Variants in ITPR1 observed in about 807,000 individuals in gnomAD.
ITPR1 encodes inositol 1,4,5-trisphosphate-gated calcium channel ITPR1.
Under a neutral mutation model 318.4 loss-of-function variants are expected in ITPR1, and 96 were observed. The ratio of observed to expected loss-of-function variants is 0.30; its 90% CI spans 0.26 to 0.36. ITPR1 has a LOEUF of 0.36. Ranked by LOEUF, ITPR1 falls within the 10% of genes least tolerant of loss-of-function variation. ITPR1 has a pLI of 1.00. For synonymous variants in ITPR1, 1,312 were observed against 1,289.9 expected, an observed-to-expected ratio of 1.02 and a Z score of -0.37; for missense variants, 2,440 against 3,460.2, an observed-to-expected ratio of 0.71 and a Z score of 7.40.
At chr3:4,604,036 T>C (rs1273202251) in intron 4 of ITPR1, among the ~76,000 whole-genome samples, 1 of 152,188 alleles carries the variant, frequency 6.6e-6, no homozygotes, top group Non-Finnish European at 1.5e-5. Context: ...TGATGTGAGA[T>C]GGAGATGGTA....
intron 4 of ITPR1, among the ~76,000 whole-genome samples, chr3:4,592,111 T>A (rs953292718): frequency 2.6e-5 from 4 of 152,176 alleles, no homozygotes; most frequent in Admixed American, 2.0e-4. Context: ...AACGTCTTTG[T>A]AATAACAAAA....
chr3:4,529,571 A>C (rs776770234), intron 4 of ITPR1, among the ~76,000 whole-genome samples: 12 of 152,160 alleles, frequency 7.9e-5, no homozygotes, highest in Non-Finnish European at 1.5e-4. Context: ...CATGTGAGAA[A>C]ATTAGAGGGA....
chr3:4,793,337 C>A (rs7634198), intron 52 of ITPR1, among the ~76,000 whole-genome samples: 30 of 152,296 alleles, frequency 2.0e-4, no homozygotes, highest in African/African-American at 7.0e-4. Flanking sequence ...CAGACCATCA[C>A]TGAGCTTTGC....
In ITPR1 at chr3:4,768,781, G is replaced by A; in HGVS notation, c.5979+17G>A. 6.2e-7 allele frequency: 1 copy of A among 1,601,600 alleles called. No individual in the cohort carries two copies. Among genetic ancestry groups the A allele is most frequent in the Non-Finnish European group, 8.5e-7 (1 of 1,170,708 alleles). ...GACCTGCAGGTGAGGGCCTGGGGGTGGGGGCGTGGAGGGAGCTCGGGAAAG... is the reference window on the plus strand; with the variant it reads ...GACCTGCAGGTGAGGGCCTGGGGGTAGGGGCGTGGAGGGAGCTCGGGAAAG... On this transcript the variant is annotated intron_variant, in intron 46 of 61. Coordinates refer to ENST00000649015, the MANE Select transcript of ITPR1 (RefSeq NM_001378452.1).
chr3:4,495,873 A>G (rs576116772), intron 2 of ITPR1, among the ~76,000 whole-genome samples: 45 of 152,220 alleles, frequency 3.0e-4, no homozygotes, highest in Non-Finnish European at 5.6e-4. Context: ...GCTAGGAAAA[A>G]TGGTAAACTT....
rs2085215890 is a variant in ITPR1, at chr3:4,548,229, T to C, written c.163+27135T>C. Among the ~76,000 whole-genome samples the C allele has an allele frequency of 1.3e-5, 2 of 152,246 alleles. 1 individual carries two copies. Among genetic ancestry groups the C allele is most frequent in the South Asian group, 4.1e-4 (2 of 4,836 alleles). On this transcript the variant is annotated intron_variant, in intron 4 of 61. Transcript: ENST00000649015. ...TGGATTTGGTTAATTGATTGTGTAC[T>C]ATGTCTCAGTCAGCATTCATCTTCA...
At chr3:4,678,894 G>C (rs1208509790) in intron 24 of ITPR1, among the ~76,000 whole-genome samples, 6 of 152,234 alleles carry the variant, frequency 3.9e-5, no homozygotes, top group South Asian at 2.1e-4. Context: ...TGGAAAGGAG[G>C]ACCAAGCCAC....
In ITPR1 at chr3:4,670,801, C is replaced by T. The variant is rs774308386; in HGVS notation, c.2079C>T (p.Asp693=). The change falls in exon 20 of 62, where the codon GAC becomes GAT. Residue 693 remains aspartate (D), a synonymous_variant. Coordinates refer to ENST00000649015, the MANE Select transcript of ITPR1 (RefSeq NM_001378452.1). ...AGAATGCTCTGGAGGCAGGAGAAGA[C>T]GAGGAAGAGGTGTGGCTGTTTTGGA... ...TGENALEAGE[D]EEEVWLFWRD... is the part of the protein sequence containing the mutation. 25 of 1,608,678 alleles carry T rather than the reference C, an allele frequency of 1.6e-5. No individual in the cohort carries two copies. Among genetic ancestry groups the T allele is most frequent in the South Asian group, 8.9e-5 (8 of 89,890 alleles).
At position 4,735,275 on chromosome 3, in the gene ITPR1, A is replaced by G; in HGVS notation, c.5465A>G (p.Asn1822Ser). Residue 1822 changes from asparagine to serine, a missense_variant, in exon 44 of 62, where the codon AAC becomes AGC. By Grantham distance (46) the Asn-to-Ser change is conservative (BLOSUM62 1). Coordinates refer to ENST00000649015, the MANE Select transcript of ITPR1 (RefSeq NM_001378452.1). ...AATCTAGTTATCGACCTCATCATGA[A>G]CGCATCCAGTGACCGAGTGTTCCAT... Reference protein sequence around the residue: ...ASNLVIDLIMNASSDRVFHES... With the variant: ...ASNLVIDLIMSASSDRVFHES... 6.2e-7 allele frequency: 1 copy of G among 1,613,998 alleles called. No individual in the cohort carries two copies. The highest frequency in any genetic ancestry group is 1.3e-5 in the African/African-American group (1 of 75,044).
chr3:4,606,586 A>T (rs1435843476), intron 4 of ITPR1, among the ~76,000 whole-genome samples: 1 of 152,042 alleles, frequency 6.6e-6, no homozygotes, highest in Non-Finnish European at 1.5e-5. Flanking sequence ...GGAGGCAGGG[A>T]GGGTATGGTA....
At position 4,665,279 on chromosome 3, in the gene ITPR1, G is replaced by C. The variant is rs762473501; in HGVS notation, c.1696G>C (p.Asp566His). 1 of 1,612,692 alleles carries C rather than the reference G, an allele frequency of 6.2e-7. No homozygotes were observed. The highest frequency in any genetic ancestry group is 8.5e-7 in the Non-Finnish European group (1 of 1,178,820). ...CAGGGTGCTGAGACACTCGCAGCAAGACTACAGGAAGAACCAGGTTTGGAT... is the reference window on the plus strand; with the variant it reads ...CAGGGTGCTGAGACACTCGCAGCAACACTACAGGAAGAACCAGGTTTGGAT... ...CYRVLRHSQQ[D>H]YRKNQEYIAK... Residue 566 changes from aspartate to histidine, a missense_variant, in exon 17 of 62, where the codon GAC (aspartate) becomes CAC (histidine). By Grantham distance (81) the Asp-to-His change is moderately conservative (BLOSUM62 -1). Around this residue, in one of 23 missense-constraint regions of ITPR1, gnomAD observed 478 missense variants for 696.3 expected, o/e 0.69. Transcript: ENST00000649015.
intron 5 of ITPR1, among the ~76,000 whole-genome samples, chr3:4,638,547 G>A (rs1237144238): frequency 6.6e-6 from 1 of 152,174 alleles, no homozygotes. Context: ...AGTCTCATTT[G>A]TGACTATACA....
chr3:4,517,011 G>A (rs1017557429), intron 3 of ITPR1, among the ~76,000 whole-genome samples: 13 of 152,166 alleles, frequency 8.5e-5, no homozygotes, highest in African/African-American at 2.9e-4. Context: ...AACCTCCTGG[G>A]CTGCCTATCT....
intron 39 of ITPR1, among the ~76,000 whole-genome samples, chr3:4,715,304 A>C (rs1351880733): frequency 1.3e-5 from 2 of 152,230 alleles, no homozygotes; most frequent in Non-Finnish European, 2.9e-5. Flanking sequence ...CGATTATGTA[A>C]ACAATAGTGG....
intron 55 of ITPR1, among the ~76,000 whole-genome samples, chr3:4,807,385 C>T (rs1019252877): frequency 6.6e-6 from 1 of 152,158 alleles, no homozygotes; most frequent in African/African-American, 2.4e-5. Flanking sequence ...GTACAAAATG[C>T]AACTGTGTGA....
intron 4 of ITPR1, among the ~76,000 whole-genome samples, chr3:4,609,682 A>G (rs934899934): frequency 6.6e-6 from 1 of 151,200 alleles, no homozygotes; most frequent in African/African-American, 2.4e-5. Context: ...AATGGGACAG[A>G]TGGGGTGGTG....
chr3:4,785,979 C>T (rs969005655), intron 51 of ITPR1, among the ~76,000 whole-genome samples: 5 of 152,188 alleles, frequency 3.3e-5, no homozygotes, highest in Non-Finnish European at 7.4e-5. Context: ...CACTTTGTTA[C>T]TACCAAGGGC....
intron 29 of ITPR1, among the ~76,000 whole-genome samples, 151 bp downstream of exon 29, chr3:4,684,497 T>C (rs1016104548): frequency 2.6e-5 from 4 of 152,228 alleles, no homozygotes; most frequent in Non-Finnish European, 5.9e-5. Context: ...GTTAAGCTCA[T>C]GGGTTTTGGC....
At chr3:4,799,727 T>C (rs2048103832) in intron 53 of ITPR1, 1 of 152,226 alleles carries the variant, frequency 6.6e-6, no homozygotes, top group Non-Finnish European at 1.5e-5. Flanking sequence ...TGGGACACTC[T>C]AAATAGAACT....
Sources: allele counts gnomAD v4.1 joint callset (sites outside exome capture counted in the v4.1 genomes callset), GRCh38; gene constraint gnomAD v4.1.1; regional missense constraint gnomAD v4.1.1; transcripts MANE v1.5; gene names NCBI Gene and HGNC (gene_info 2026-07-23, HGNC 2026-07-21).